Variants in NLK observed in about 807,000 individuals in gnomAD.
NLK encodes serine/threonine-protein kinase NLK.
NLK carries 11 observed loss-of-function variants against 59.0 expected under a neutral mutation model. That is an observed-to-expected ratio of 0.19 (90% CI 0.12 to 0.31). The LOEUF is 0.31. NLK is among the 10% of genes least tolerant of loss of function. NLK has a pLI of 1.00. For synonymous variants in NLK, 235 were observed against 235.9 expected (o/e 1.00, Z 0.03); for missense variants, 410 against 661.1 (o/e 0.62, Z 4.16).
intron 3 of NLK, among the ~76,000 whole-genome samples, chr17:28,136,209 A>G (rs1002415866): frequency 6.6e-6 from 1 of 152,182 alleles, no homozygotes; most frequent in African/African-American, 2.4e-5. Flanking sequence ...CTTCAGGTTA[A>G]AAAATTGACA....
At chr17:28,177,891 A>C (rs1479579167) in intron 7 of NLK, among the ~76,000 whole-genome samples, 2 of 152,220 alleles carry the variant, frequency 1.3e-5, no homozygotes, top group Admixed American at 6.5e-5. Flanking sequence ...TGTTGCCTGC[A>C]TACTATATGG....
At chr17:28,168,909 G>A (rs1268200541) in intron 6 of NLK, among the ~76,000 whole-genome samples, 3 of 151,964 alleles carry the variant, frequency 2.0e-5, no homozygotes, top group Non-Finnish European at 4.4e-5. Flanking sequence ...TTTTGAGACG[G>A]AGTTTTGCTC....
At chr17:28,082,898 A>C (rs1910395838) in intron 1 of NLK, among the ~76,000 whole-genome samples, 1 of 152,248 alleles carries the variant, frequency 6.6e-6, no homozygotes. Flanking sequence ...TTTAGCCTTA[A>C]GAATTGGCTA....
At chr17:28,075,486 C>G (rs541970762) in intron 1 of NLK, among the ~76,000 whole-genome samples, 15 of 152,312 alleles carry the variant, frequency 9.8e-5, no homozygotes, top group African/African-American at 3.6e-4. Flanking sequence ...ATTGCTTAGA[C>G]AACATCTCTG....
At chr17:28,166,817 GTA>G (rs1908257313) in intron 5 of NLK, among the ~76,000 whole-genome samples, 1 of 152,170 alleles carries the variant, frequency 6.6e-6, no homozygotes, top group African/African-American at 2.4e-5. Flanking sequence ...TTCTAAGTTT[GTA>G]TAGAAGTTAA....
chr17:28,054,991 T>C (rs762638146), intron 1 of NLK, among the ~76,000 whole-genome samples: 1 of 152,172 alleles, frequency 6.6e-6, no homozygotes, highest in African/African-American at 2.4e-5. Context: ...TCATTATCTG[T>C]GGGTAAATTA....
chr17:28,137,698 C>T (rs1482393981), intron 3 of NLK, among the ~76,000 whole-genome samples: 1 of 151,952 alleles, frequency 6.6e-6, no homozygotes, highest in Non-Finnish European at 1.5e-5. Flanking sequence ...TGCCAGTGCT[C>T]ACCAAAAATT....
At chr17:28,144,035 T>C (rs1424432244) in intron 3 of NLK, among the ~76,000 whole-genome samples, 1 of 152,194 alleles carries the variant, frequency 6.6e-6, no homozygotes, top group Non-Finnish European at 1.5e-5. Context: ...TCTTTTTTTC[T>C]GAAGGGTGTG....
At chr17:28,085,289 A>G (rs1029227528) in intron 1 of NLK, among the ~76,000 whole-genome samples, 26 of 152,220 alleles carry the variant, frequency 1.7e-4, no homozygotes, top group Admixed American at 1.2e-3. Flanking sequence ...AGTTTCCATT[A>G]TCATCCCCCA....
chr17:28,122,127 T>C (rs538872136), intron 1 of NLK, among the ~76,000 whole-genome samples: 4 of 152,358 alleles, frequency 2.6e-5, no homozygotes, highest in African/African-American at 4.8e-5. Flanking sequence ...TCCATATTAC[T>C]AAAAGATGTT....
At chr17:28,120,844 T>C (rs1771949770) in intron 1 of NLK, among the ~76,000 whole-genome samples, 1 of 152,210 alleles carries the variant, frequency 6.6e-6, no homozygotes, top group South Asian at 2.1e-4. Context: ...TTTAGACAGA[T>C]ATGTAGACAA....
chr17:28,074,507 G>A (rs185502316), intron 1 of NLK, among the ~76,000 whole-genome samples: 1 of 152,246 alleles, frequency 6.6e-6, no homozygotes, highest in African/African-American at 2.4e-5. Flanking sequence ...GTGTGTTGGG[G>A]TAGGGGGTTG....
chr17:28,189,375 C>A (rs910476500), intron 8 of NLK, among the ~76,000 whole-genome samples: 1 of 152,154 alleles, frequency 6.6e-6, no homozygotes, highest in South Asian at 2.1e-4. Context: ...TCAAAAAGTC[C>A]TGCAGATAAC....
intron 1 of NLK, among the ~76,000 whole-genome samples, chr17:28,118,665 C>A (rs1905887319): frequency 6.6e-6 from 1 of 152,156 alleles, no homozygotes; most frequent in Admixed American, 6.5e-5. Context: ...CACAACAGAT[C>A]TAAAATGCTT....
At position 28,195,264 on chromosome 17, in the gene NLK, G is replaced by C. The variant is rs1045503043; in HGVS notation, c.*628G>C. 2.6e-5 allele frequency: 4 copies of C among 151,872 alleles called. No individual in the cohort carries two copies. Among genetic ancestry groups the C allele is most frequent in the Non-Finnish European group, 4.4e-5 (3 of 67,982 alleles). The allele number at this position is 151,872 out of a possible 1,614,324, so 9.4% of individuals were successfully genotyped here. On this transcript the variant is annotated 3_prime_UTR_variant, in exon 11 of 11. Transcript: ENST00000407008. ...TAAAATCCAATGTTGTGGGTAGAGAGAATGAGTTTGTGACTAGGAGAGACT... is the reference window on the plus strand; with the variant it reads ...TAAAATCCAATGTTGTGGGTAGAGACAATGAGTTTGTGACTAGGAGAGACT...
At chr17:28,100,018 T>C (rs1462142106) in intron 1 of NLK, among the ~76,000 whole-genome samples, 5 of 152,266 alleles carry the variant, frequency 3.3e-5, no homozygotes, top group African/African-American at 4.8e-5. Context: ...GATTAGCATC[T>C]GGATTGTGCC....
chr17:28,055,714 A>G (rs1257644855), intron 1 of NLK, among the ~76,000 whole-genome samples: 1 of 152,216 alleles, frequency 6.6e-6, no homozygotes, highest in African/African-American at 2.4e-5. Flanking sequence ...TGTAAATGTT[A>G]GCTATCACAA....
rs1909001720 is a variant in NLK, at chr17:28,044,930, T to C, written c.458+1599T>C. On this transcript the variant is annotated intron_variant, in intron 1 of 10. Coordinates refer to ENST00000407008, the MANE Select transcript of NLK (RefSeq NM_016231.5). ...AAATGGGTTGCAGCATTCTTGAATA[T>C]ATTCAAAAGGCATTTTTCACTTACA... Among the ~76,000 whole-genome samples, 4 of 152,368 alleles carry C rather than the reference T, an allele frequency of 2.6e-5. No homozygotes were observed. In the South Asian group the frequency reaches 8.3e-4, roughly 32 times the overall value.
At chr17:28,131,580 C>T (rs1906517992) in intron 2 of NLK, among the ~76,000 whole-genome samples, 2 of 98,118 alleles carry the variant, frequency 2.0e-5, no homozygotes, top group Non-Finnish European at 3.7e-5. Flanking sequence ...TTGAAGTTCT[C>T]TGTAGTAAAA....
Sources: allele counts gnomAD v4.1 joint callset (sites outside exome capture counted in the v4.1 genomes callset), GRCh38; gene constraint gnomAD v4.1.1; transcripts MANE v1.5; gene names NCBI Gene and HGNC (gene_info 2026-07-23, HGNC 2026-07-21).